The following ANKRD11 variants were observed in gnomAD, a reference collection of about 807,000 sequenced individuals.
The protein encoded by ANKRD11 is ankyrin repeat domain-containing protein 11.
Under a neutral mutation model 195.7 loss-of-function variants are expected in ANKRD11, and 17 were observed. That is an observed-to-expected ratio of 0.09 (90% CI 0.06 to 0.13). The LOEUF (loss-of-function observed/expected upper bound fraction) is 0.13. Among genes scored for constraint, ANKRD11 ranks in the 10% least tolerant of loss-of-function variants. The pLI, the probability that ANKRD11 is intolerant of heterozygous loss-of-function variation, is 1.00. For missense variants in ANKRD11, 3,735 were observed against 3,566.1 expected (o/e 1.05, Z -1.21); for synonymous variants, 1,953 against 1,528.1 (o/e 1.28, Z -6.49).
chr16:89,290,622 C>T lies in ANKRD11; in HGVS notation c.601+3G>A, dbSNP rs1283611927. On this transcript the variant is annotated splice_donor_region_variant and intron_variant, in intron 6 of 12. Coordinates refer to ENST00000301030, the MANE Select transcript of ANKRD11 (RefSeq NM_013275.6). ...TGGCCCTTGCCAGGCACAGGGTGCC[C>T]ACCTGCGAAGTCCTTGACGTTGACG... The T allele has an allele frequency of 1.2e-6, 2 of 1,612,022 alleles. No homozygotes were observed. The highest frequency in any genetic ancestry group is 1.7e-6 in the Non-Finnish European group (2 of 1,179,956).
intron 4 of ANKRD11, among the ~76,000 whole-genome samples, chr16:89,301,867 C>A (rs1457366123): frequency 6.6e-6 from 1 of 152,220 alleles, no homozygotes; most frequent in Non-Finnish European, 1.5e-5. Flanking sequence ...CTCAACCCTG[C>A]ATCTGGGAGG....
At chr16:89,469,849 G>T (rs1466456861) in intron 1 of ANKRD11, among the ~76,000 whole-genome samples, 1 of 145,776 alleles carries the variant, frequency 6.9e-6, no homozygotes, top group African/African-American at 2.5e-5. Context: ...AGGGAGCCAA[G>T]ATCGCGCCCG....
At chr16:89,414,673 G>A (rs2042223711) in intron 2 of ANKRD11, among the ~76,000 whole-genome samples, 1 of 152,228 alleles carries the variant, frequency 6.6e-6, no homozygotes, top group Admixed American at 6.5e-5. Flanking sequence ...GGGCCACAGA[G>A]CTAGCACCAG....
At chr16:89,326,582 AT>A (rs1454163274) in intron 2 of ANKRD11, among the ~76,000 whole-genome samples, 1 of 152,132 alleles carries the variant, frequency 6.6e-6, no homozygotes, top group African/African-American at 2.4e-5. Context: ...CTTTACAAAA[AT>A]ATCAAAAAAT....
At chr16:89,427,519 C>T (rs535136070) in intron 1 of ANKRD11, among the ~76,000 whole-genome samples, 7 of 152,236 alleles carry the variant, frequency 4.6e-5, no homozygotes, top group Admixed American at 2.6e-4. Flanking sequence ...GTCTAGGGGC[C>T]GGGGTGGTGG....
At chr16:89,364,168 T>C (rs2039852369) in intron 2 of ANKRD11, among the ~76,000 whole-genome samples, 1 of 152,192 alleles carries the variant, frequency 6.6e-6, no homozygotes, top group South Asian at 2.1e-4. Context: ...TACCCCAGAC[T>C]TGCTGGGCCC....
chr16:89,476,704 T>C (rs1476322093), intron 1 of ANKRD11, among the ~76,000 whole-genome samples: 1 of 152,196 alleles, frequency 6.6e-6, no homozygotes, highest in Non-Finnish European at 1.5e-5. Context: ...TTTGGACACA[T>C]ATCCTAGAGG....
chr16:89,463,135 G>C (rs2056757253), intron 1 of ANKRD11, among the ~76,000 whole-genome samples: 1 of 151,330 alleles, frequency 6.6e-6, no homozygotes, highest in Non-Finnish European at 1.5e-5. Flanking sequence ...GGGAAGTGAG[G>C]AGCCCCTCTG....
intron 11 of ANKRD11, chr16:89,271,968 G>C (rs2033197213): frequency 6.6e-6 from 1 of 152,072 alleles, no homozygotes; most frequent in South Asian, 2.1e-4. Context: ...CGCACAGAAT[G>C]GGAGGAAACG....
At chr16:89,416,687 T>A (rs2042323451) in intron 2 of ANKRD11, among the ~76,000 whole-genome samples, 1 of 149,756 alleles carries the variant, frequency 6.7e-6, no homozygotes, top group African/African-American at 2.5e-5. Flanking sequence ...CCCAGCACTT[T>A]GGGAGGCTGA....
chr16:89,269,905 A>G (rs567600008), intron 12 of ANKRD11: 2 of 152,200 alleles, frequency 1.3e-5, no homozygotes, highest in Non-Finnish European at 2.9e-5. Context: ...CCAAAGTCCC[A>G]TTTTAATGTA....
chr16:89,348,240 C>A (rs1017223897), intron 2 of ANKRD11, among the ~76,000 whole-genome samples: 3 of 152,116 alleles, frequency 2.0e-5, no homozygotes, highest in Non-Finnish European at 1.5e-5. Flanking sequence ...CCTCAAATAC[C>A]ATTTTTTAAA....
At chr16:89,372,105 C>A (rs922687614) in intron 2 of ANKRD11, among the ~76,000 whole-genome samples, 4 of 152,236 alleles carry the variant, frequency 2.6e-5, no homozygotes, top group Non-Finnish European at 5.9e-5. Context: ...ACGGCGGGCA[C>A]CCGGCCCTCG....
intron 1 of ANKRD11, among the ~76,000 whole-genome samples, chr16:89,422,557 A>G (rs1357324919): frequency 1.3e-5 from 2 of 152,124 alleles, no homozygotes; most frequent in Non-Finnish European, 2.9e-5. Flanking sequence ...TAATAACACG[A>G]TATTCGCGCT....
At chr16:89,407,296 A>C (rs866306233) in intron 2 of ANKRD11, among the ~76,000 whole-genome samples, 17 of 152,288 alleles carry the variant, frequency 1.1e-4, no homozygotes, top group Middle Eastern at 3.4e-3. Context: ...TATATAAGGA[A>C]CACGGGGGGA....
intron 2 of ANKRD11, among the ~76,000 whole-genome samples, chr16:89,369,784 T>C (rs2040114722): frequency 1.3e-5 from 2 of 152,338 alleles, no homozygotes; most frequent in Middle Eastern, 6.8e-3. Context: ...GTTTCATCAA[T>C]GCCGATATAC....
chr16:89,434,092 T>C (rs1284558107), intron 1 of ANKRD11, among the ~76,000 whole-genome samples: 1 of 151,850 alleles, frequency 6.6e-6, no homozygotes, highest in African/African-American at 2.4e-5. Flanking sequence ...CACCACCCAC[T>C]AGAAATAAAC....
chr16:89,339,687 G>C lies in ANKRD11; in HGVS notation c.-59-22609C>G, dbSNP rs540265211. 1.7e-3 allele frequency among the ~76,000 whole-genome samples: 255 copies of C among 152,302 alleles called. 5 individuals are homozygous for C. In the South Asian group the frequency reaches 0.018, roughly 11 times the overall value. On this transcript the variant is annotated intron_variant, in intron 2 of 12. Coordinates refer to ENST00000301030, the MANE Select transcript of ANKRD11 (RefSeq NM_013275.6). Reference sequence around the variant, plus strand: ...CAAGCACACAGAAAAGGATGAAGGAGAATACAAACACACATCCACCATCTG... The same window carrying C: ...CAAGCACACAGAAAAGGATGAAGGACAATACAAACACACATCCACCATCTG...
chr16:89,457,586 G>GA (rs34361547), intron 1 of ANKRD11, among the ~76,000 whole-genome samples: 68,634 of 125,722 alleles, frequency 0.55, 17,297 homozygotes, highest in Middle Eastern at 0.72. Flanking sequence ...TCCGTCTCAA[G>GA]AAAAAAAAAA....
Sources: gnomAD v4.1 joint callset for allele counts (sites outside exome capture counted in the v4.1 genomes callset) on GRCh38, gnomAD v4.1.1 for gene constraint, MANE v1.5 for transcripts, NCBI Gene and HGNC (gene_info 2026-07-23, HGNC 2026-07-21) for gene names.